The following PGAM5 variants were observed in gnomAD, a reference collection of about 807,000 sequenced individuals.
PGAM5 encodes the protein PGAM family member 5, mitochondrial serine/threonine protein phosphatase.
A neutral mutation model predicts 30.6 loss-of-function variants in PGAM5; 25 were observed. The ratio of observed to expected loss-of-function variants is 0.82; its 90% CI spans 0.60 to 1.14. The LOEUF is 1.14. Ranked by LOEUF, PGAM5 falls within the 50% of genes most tolerant of loss-of-function variation. The probability of loss-of-function intolerance (pLI) is 0.00; values close to 1 mark genes in which losing one functional copy is unlikely to be tolerated. For missense variants in PGAM5, 384 were observed against 408.5 expected, an observed-to-expected ratio of 0.94 and a Z score of 0.52; for synonymous variants, 201 against 179.1, an observed-to-expected ratio of 1.12 and a Z score of -0.98.
chr12:132,719,160 G>T, intron 5 of PGAM5: 1 of 1,253,834 alleles, frequency 8.0e-7, no homozygotes, highest in Non-Finnish European at 1.0e-6. Context: ...ATGCAAATTT[G>T]AAACAAATTT....
chr12:132,717,799 G>GT lies in PGAM5; in HGVS notation c.585+2dup. The GT allele has an allele frequency of 6.3e-7, 1 of 1,583,962 alleles. No homozygotes were observed. Among genetic ancestry groups the GT allele is most frequent in the Non-Finnish European group, 8.6e-7 (1 of 1,165,242 alleles). The stretch of plus-strand genomic sequence containing the variant: ...GTCTCATTGGAAGCCGGAAGCTGTG[G>GT]TAAAAACCTCCCCGGGGGGCAGCTG... On this transcript the variant is annotated splice_donor_variant, in intron 4 of 5. Coordinates refer to ENST00000498926, the MANE Select transcript of PGAM5 (RefSeq NM_001170543.2). LOFTEE classifies it high-confidence loss of function.
At chr12:132,715,071 GTGGT>G in intron 2 of PGAM5, 35 bp downstream of exon 2, 1 of 1,537,556 alleles carries the variant, frequency 6.5e-7, no homozygotes, top group African/African-American at 1.5e-5. Context: ...GTGGACCCTC[GTGGT>G]TATGTGGCCA....
Position 132,718,171 on chromosome 12 carries a change from A to G in PGAM5, c.719+51A>G, listed in dbSNP as rs2043602598. On this transcript the variant is annotated intron_variant, in intron 5 of 5. Transcript: ENST00000498926. ...GTCTAAAATAATTTCAGACTTAGAG[A>G]AAAGCATGAGGAAGAAGCCGAGCGA... The G allele has an allele frequency of 3.7e-6, 6 of 1,606,856 alleles. No homozygotes were observed. In the Admixed American group the frequency reaches 5.0e-5, roughly 13 times the overall value.
In PGAM5 at chr12:132,717,702, C is replaced by A. The variant is rs76742382; in HGVS notation, c.497-8C>A. ...CCTCACCCAGCGCTTCGCTGTGCTTCTCTGCAGGCGTCTGCAAAGTCAGCA... is the reference window on the plus strand; with the variant it reads ...CCTCACCCAGCGCTTCGCTGTGCTTATCTGCAGGCGTCTGCAAAGTCAGCA... On this transcript the variant is annotated splice_region_variant and splice_polypyrimidine_tract_variant and intron_variant, in intron 3 of 5. Transcript: ENST00000498926. 6,134 of 1,569,128 alleles carry A rather than the reference C, an allele frequency of 3.9e-3. 182 individuals carry two copies. In the African/African-American group the frequency reaches 0.07, roughly 18 times the overall value.
chr12:132,717,675 C>T (rs555170236), intron 3 of PGAM5, 35 bp from the exon 4 acceptor site: 28 of 1,564,504 alleles, frequency 1.8e-5, no homozygotes, highest in African/African-American at 1.1e-4. Context: ...CCGGCGGGGC[C>T]GCCTCACCCA....
intron 1 of PGAM5, 199 bp downstream of exon 1, chr12:132,711,266 G>A (rs868621863): frequency 2.9e-6 from 1 of 342,932 alleles, no homozygotes; most frequent in Non-Finnish European, 4.9e-6. Context: ...CTTCCCGCCG[G>A]CTTCTGTGGC....
Position 132,717,442 on chromosome 12 carries a change from G to A in PGAM5, c.374G>A (p.Arg125Gln), listed in dbSNP as rs751649209. Residue 125 changes from arginine to glutamine, a missense_variant, in exon 3 of 6, where the codon CGG (arginine) becomes CAG (glutamine). By Grantham distance (43) the Arg-to-Gln change is conservative. Transcript: ENST00000498926. ...TCAGGTGCCTTTCACCTTCCAGGTC[G>A]GGAGCAGGCTGAACTCACTGGGCTC... Reference protein sequence around the residue: ...EKDRTLTPLGREQAELTGLRL... With the variant: ...EKDRTLTPLGQEQAELTGLRL... 2.5e-6 allele frequency: 4 copies of A among 1,606,964 alleles called. No individual in the cohort carries two copies. The highest frequency in any genetic ancestry group is 1.7e-6 in the Non-Finnish European group (2 of 1,179,878).
intron 5 of PGAM5, among the ~76,000 whole-genome samples, chr12:132,719,973 A>G (rs2043626361): frequency 6.6e-6 from 1 of 152,260 alleles, no homozygotes; most frequent in Non-Finnish European, 1.5e-5. Flanking sequence ...TTATATGGGA[A>G]AAGCAGAAAT....
rs761735058 is a variant in PGAM5 at position 132,716,387 on chromosome 12, A to AT, written c.371-1037dup. ...GGCGTGAGCCACCACACCCAGCCTA[A>AT]TTTTTTTTTTTTTTTGTATTTTTAG... On this transcript the variant is annotated intron_variant, in intron 2 of 5. Transcript: ENST00000498926. 7.6e-3 allele frequency among the ~76,000 whole-genome samples: 1,061 copies of AT among 139,090 alleles called. 11 individuals carry two copies. The highest frequency in any genetic ancestry group is 0.021 in the African/African-American group (802 of 37,670). The allele number at this position is 139,090 out of a possible 152,430, so 91.2% of individuals were successfully genotyped here.
chr12:132,715,876 C>A (rs2043571965), intron 2 of PGAM5, among the ~76,000 whole-genome samples: 1 of 150,942 alleles, frequency 6.6e-6, no homozygotes, highest in Non-Finnish European at 1.5e-5. Context: ...GAGACTCCGT[C>A]TCAAAAAAAA....
chr12:132,714,595 C>T (rs1252025655), intron 1 of PGAM5, among the ~76,000 whole-genome samples: 1 of 152,194 alleles, frequency 6.6e-6, no homozygotes, highest in African/African-American at 2.4e-5. Context: ...TCACTGTCTG[C>T]CTCTCATTAG....
At chr12:132,718,816 T>C in intron 5 of PGAM5, 2 of 1,613,524 alleles carry the variant, frequency 1.2e-6, no homozygotes, top group South Asian at 2.2e-5. Flanking sequence ...CCTGACCTCT[T>C]TCACTTGCTG....
intron 3 of PGAM5, 58 bp from the exon 4 acceptor site, chr12:132,717,652 C>A: frequency 1.3e-6 from 2 of 1,583,040 alleles, no homozygotes; most frequent in Non-Finnish European, 1.7e-6. Context: ...ACCGGGAGGT[C>A]ACAGCATCTC....
Position 132,715,150 on chromosome 12 carries a change from C to T in PGAM5, c.370+114C>T, listed in dbSNP as rs2043562658. On this transcript the variant is annotated intron_variant, in intron 2 of 5. Coordinates refer to ENST00000498926, the MANE Select transcript of PGAM5 (RefSeq NM_001170543.2). The stretch of plus-strand genomic sequence containing the variant: ...CAGGTCCTCCGCCGACCCCCTTGGT[C>T]AGCTTTCTTGAAAGTGCTTGGGGCA... 8.5e-6 allele frequency: 10 copies of T among 1,174,776 alleles called. No individual in the cohort carries two copies. In the South Asian group the frequency reaches 9.6e-5, roughly 11 times the overall value. 72.8% of individuals were successfully genotyped at this position (1,174,776 alleles called of 1,614,324 possible). A position where few individuals can be genotyped will look rare whatever the true frequency, so the allele number is the denominator to read the frequency against.
At position 132,721,400 on chromosome 12, in the gene PGAM5, G is replaced by C. The variant is rs1011338625; in HGVS notation, c.*572G>C. The C allele has an allele frequency of 6.6e-6, 1 of 152,256 alleles. No individual in the cohort carries two copies. The highest frequency in any genetic ancestry group is 1.5e-5 in the Non-Finnish European group (1 of 68,110). The allele number at this position is 152,256 out of a possible 1,614,324, so 9.4% of individuals were successfully genotyped here. A position where few individuals can be genotyped will look rare whatever the true frequency, so the allele number is the denominator to read the frequency against. Reference sequence around the variant, plus strand: ...AGCTCAGGAGTTCAAGACCAGCCTGGACAAGGCAACATAGCGAGACCCTGT... The same window carrying C: ...AGCTCAGGAGTTCAAGACCAGCCTGCACAAGGCAACATAGCGAGACCCTGT... On this transcript the variant is annotated 3_prime_UTR_variant, in exon 6 of 6. Coordinates refer to ENST00000498926, the MANE Select transcript of PGAM5 (RefSeq NM_001170543.2).
intron 1 of PGAM5, chr12:132,714,642 C>G: frequency 1.9e-6 from 1 of 536,560 alleles, no homozygotes. Flanking sequence ...GTCTGTTTTG[C>G]TCTCCAGCGC....
At chr12:132,718,928 C>T in intron 5 of PGAM5, 1 of 1,560,696 alleles carries the variant, frequency 6.4e-7, no homozygotes, top group Non-Finnish European at 8.7e-7. Context: ...TCGGGCTGCT[C>T]CCTCGGGGGG....
intron 1 of PGAM5, chr12:132,711,696 G>A (rs1399087390): frequency 6.6e-6 from 1 of 151,972 alleles, no homozygotes; most frequent in Admixed American, 6.6e-5. Context: ...TGAGGTAGGA[G>A]GATCCCTTGA....
rs2043644671 is a variant in PGAM5, at chr12:132,721,583, G to GACTT, written c.*757_*760dup. On this transcript the variant is annotated 3_prime_UTR_variant, in exon 6 of 6. Coordinates refer to ENST00000498926, the MANE Select transcript of PGAM5 (RefSeq NM_001170543.2). ...CACTCCAGCCTGGGCAAGCGAGGGAGACTTAAAGCAATTTTTTCTTTTGAA... is the reference window on the plus strand; with the variant it reads ...CACTCCAGCCTGGGCAAGCGAGGGAGACTTACTTAAAGCAATTTTTTCTTTTGAA... 6.6e-6 allele frequency: 1 copy of GACTT among 152,208 alleles called. No individual in the cohort carries two copies. Among genetic ancestry groups the GACTT allele is most frequent in the Non-Finnish European group, 1.5e-5 (1 of 68,046 alleles). 9.4% of individuals were successfully genotyped at this position (152,208 alleles called of 1,614,324 possible).
Sources: gnomAD v4.1 joint callset for allele counts (sites outside exome capture counted in the v4.1 genomes callset) on GRCh38, gnomAD v4.1.1 for gene constraint, MANE v1.5 for transcripts, NCBI Gene and HGNC (gene_info 2026-07-23, HGNC 2026-07-21) for gene names.